Variants in AGO1 observed in about 807,000 individuals in gnomAD.
The protein encoded by AGO1 is protein argonaute-1.
AGO1 carries 11 observed loss-of-function variants against 109.2 expected under a neutral mutation model. The observed-to-expected ratio is 0.10, with a 90% confidence interval of 0.06 to 0.17. The LOEUF is 0.17. Ranked by LOEUF, AGO1 falls within the 10% of genes least tolerant of loss-of-function variation. AGO1 has a pLI of 1.00. For synonymous variants in AGO1, 422 were observed against 418.6 expected (o/e 1.01, Z -0.10); for missense variants, 574 against 1,140.3 (o/e 0.50, Z 7.15).
In AGO1 at chr1:35,920,146, T is replaced by C. The variant is rs1571381730; in HGVS notation, c.*539T>C. 6.5e-6 allele frequency: 1 copy of C among 152,762 alleles called. No homozygotes were observed. The highest frequency in any genetic ancestry group is 2.4e-5 in the African/African-American group (1 of 41,376). The allele number at this position is 152,762 out of a possible 1,614,324, so 9.5% of individuals were successfully genotyped here. A position where few individuals can be genotyped will look rare whatever the true frequency, so the allele number is the denominator to read the frequency against. On this transcript the variant is annotated 3_prime_UTR_variant, in exon 19 of 19. Coordinates refer to ENST00000373204, the MANE Select transcript of AGO1 (RefSeq NM_012199.5). ...CAGATCAATATTTTAGGATACTAGA[T>C]GTTTTAATGGGTTCAGAATCCAGTT... is the stretch of plus-strand genomic sequence containing the variant.
At position 35,875,030 on chromosome 1, in the gene AGO1, CAT is replaced by C. The variant is rs986780298; in HGVS notation, c.-201+5129_-201+5130del. Reference sequence around the variant, plus strand: ...TTAAGGAAAGAAGCCATCTCCATAACATAAAAGTCGAAGGTGCTTATGTAGAA... The same window carrying C: ...TTAAGGAAAGAAGCCATCTCCATAACAAAAGTCGAAGGTGCTTATGTAGAA... On this transcript the variant is annotated intron_variant, in intron 1 of 18. Coordinates refer to the AGO1 transcript ENST00000373206. Among the ~76,000 whole-genome samples the C allele has an allele frequency of 2.0e-4, 31 of 152,316 alleles. No homozygotes were observed. The Middle Eastern group carries it at 0.01, about 50-fold the overall frequency.
chr1:35,918,929 G>GTT (rs1324755678), intron 17 of AGO1, 126 bp from the exon 18 acceptor site: 1 of 845,914 alleles, frequency 1.2e-6, no homozygotes, highest in Non-Finnish European at 1.9e-6. Flanking sequence ...GACATTGGTA[G>GTT]TTTTGCATCT....
intron 13 of AGO1, 75 bp from the exon 14 acceptor site, chr1:35,914,108 AG>A: frequency 6.3e-7 from 1 of 1,593,274 alleles, no homozygotes; most frequent in African/African-American, 1.3e-5. Flanking sequence ...GGGGGAGAAG[AG>A]CAGAGTGGGT....
intron 12 of AGO1, among the ~76,000 whole-genome samples, chr1:35,907,543 A>C (rs570885306): frequency 4.0e-5 from 6 of 151,634 alleles, no homozygotes; most frequent in Non-Finnish European, 8.8e-5. Flanking sequence ...GAGGCTTGCT[A>C]TCTCTCCTCT....
At chr1:35,872,255 G>A (rs1282640619) in intron 1 of AGO1, among the ~76,000 whole-genome samples, 9 of 144,710 alleles carry the variant, frequency 6.2e-5, no homozygotes, top group Non-Finnish European at 6.0e-5. Flanking sequence ...GCATGATCTC[G>A]GCTCACTGCA....
At position 35,893,144 on chromosome 1, in the gene AGO1, T is replaced by C. The variant is rs759929800; in HGVS notation, c.378T>C (p.Phe126=). The change falls in exon 4 of 19, where the codon TTT becomes TTC. Residue 126 remains phenylalanine, a synonymous_variant. Coordinates refer to ENST00000373204, the MANE Select transcript of AGO1 (RefSeq NM_012199.5). The surrounding 1 kb of genome is among the most constrained non-coding windows in gnomAD (Gnocchi z 5.6). ...CTGGGGAAGGGAAGGATCGAATCTT[T>C]AAGGTCTCCATCAAGTGGCTAGCCA... ...TIPGEGKDRI[F]KVSIKWLAIV... is the part of the protein sequence containing the mutation. 3.7e-6 allele frequency: 6 copies of C among 1,614,054 alleles called. No individual in the cohort carries two copies. The Admixed American group carries it at 1.0e-4, about 27-fold the overall frequency.
chr1:35,923,967 A>T lies in AGO1; in HGVS notation c.*4360A>T, dbSNP rs1379364534. On this transcript the variant is annotated 3_prime_UTR_variant, in exon 19 of 19. Transcript: ENST00000373204. ...CTTTCCTGTGCACACAGTCCAGCCT[A>T]ATTGGTATGTGATGTTGCACTTAGC... 1.3e-5 allele frequency: 2 copies of T among 152,624 alleles called. No homozygotes were observed. Among genetic ancestry groups the T allele is most frequent in the African/African-American group, 4.8e-5 (2 of 41,454 alleles). The allele number at this position is 152,624 out of a possible 1,614,324, so 9.5% of individuals were successfully genotyped here.
intron 12 of AGO1, among the ~76,000 whole-genome samples, chr1:35,913,433 T>A (rs1248364130): frequency 6.6e-6 from 1 of 152,194 alleles, no homozygotes; most frequent in Non-Finnish European, 1.5e-5. Flanking sequence ...TGCTATGGCC[T>A]TTCTGTTTCT....
intron 12 of AGO1, among the ~76,000 whole-genome samples, chr1:35,912,084 G>T (rs1249678075): frequency 6.6e-6 from 1 of 152,072 alleles, no homozygotes. Context: ...TCGGCCGGGC[G>T]CGGTGGCTCA....
chr1:35,889,277 G>A (rs978344058), intron 2 of AGO1, among the ~76,000 whole-genome samples: 2 of 149,388 alleles, frequency 1.3e-5, no homozygotes, highest in Admixed American at 1.3e-4. Flanking sequence ...GCAATGGCGC[G>A]ATCTCAACTC....
Position 35,894,185 on chromosome 1 carries a change from A to C in AGO1, c.784+14A>C, listed in dbSNP as rs770303982. 1.9e-6 allele frequency: 3 copies of C among 1,568,016 alleles called. No homozygotes were observed. The highest frequency in any genetic ancestry group is 2.6e-6 in the Non-Finnish European group (3 of 1,155,484). On this transcript the variant is annotated intron_variant, in intron 6 of 18. Transcript: ENST00000373204. ...AGGAGATCAAGGGTGAGGACCCAACAGGAGGGGAAGGGAAACAGCGCCACT... is the reference window on the plus strand; with the variant it reads ...AGGAGATCAAGGGTGAGGACCCAACCGGAGGGGAAGGGAAACAGCGCCACT...
chr1:35,888,018 G>A lies in AGO1; in HGVS notation c.26-409G>A, dbSNP rs765748224. On this transcript the variant is annotated intron_variant, in intron 1 of 18. Coordinates refer to ENST00000373204, the MANE Select transcript of AGO1 (RefSeq NM_012199.5). This position sits in a 1 kb window ranked among gnomAD's most constrained non-coding sequence, Gnocchi z 4.1. ...GCCATTTTGTATTCAGCATGGTGGC[G>A]AATGGAGTGAGCATCTGGCTGGCAG... Among the ~76,000 whole-genome samples the A allele has an allele frequency of 1.2e-4, 18 of 152,156 alleles. No individual in the cohort carries two copies. Among genetic ancestry groups the A allele is most frequent in the Middle Eastern group, 3.2e-3 (1 of 316 alleles).
Position 35,893,614 on chromosome 1 carries a change from G to C in AGO1, c.513-60G>C, listed in dbSNP as rs1193110105. ...CAGGCCAGGGCTCCTCCGTGCCCAG[G>C]ATGCCTCACAGGGTGGGGGCCTGTG... is the stretch of plus-strand genomic sequence containing the variant. On this transcript the variant is annotated intron_variant, in intron 4 of 18. Coordinates refer to ENST00000373204, the MANE Select transcript of AGO1 (RefSeq NM_012199.5). This position sits in a 1 kb window ranked among gnomAD's most constrained non-coding sequence, Gnocchi z 5.6. 1.3e-6 allele frequency: 2 copies of C among 1,531,240 alleles called. No individual in the cohort carries two copies. 94.9% of individuals were successfully genotyped at this position (1,531,240 alleles called of 1,614,324 possible). A position where few individuals can be genotyped will look rare whatever the true frequency, so the allele number is the denominator to read the frequency against.
At chr1:35,909,424 C>A (rs574213570) in intron 12 of AGO1, among the ~76,000 whole-genome samples, 1 of 152,200 alleles carries the variant, frequency 6.6e-6, no homozygotes, top group Admixed American at 6.5e-5. Context: ...TAGCACAGTG[C>A]CTGGCATGTA....
rs1442648369 is a variant in AGO1 at position 35,883,235 on chromosome 1, T to C, written c.-187T>C. 6 of 1,251,170 alleles carry C rather than the reference T, an allele frequency of 4.8e-6. No individual in the cohort carries two copies. Among genetic ancestry groups the C allele is most frequent in the Non-Finnish European group, 5.0e-6 (5 of 994,300 alleles). The allele number at this position is 1,251,170 out of a possible 1,614,324, so 77.5% of individuals were successfully genotyped here. ...CTGGCAGCTGGCCGGGCGCTCGCAG[T>C]GGGAGCTGCTGCAGGCTCCGCGGCG... On this transcript the variant is annotated 5_prime_UTR_variant, in exon 1 of 19. Coordinates refer to ENST00000373204, the MANE Select transcript of AGO1 (RefSeq NM_012199.5). This position sits in a 1 kb window ranked among gnomAD's most constrained non-coding sequence, Gnocchi z 5.4.
At chr1:35,914,427 T>G (rs1304065847) in intron 14 of AGO1, among the ~76,000 whole-genome samples, 153 bp downstream of exon 14, 6 of 152,234 alleles carry the variant, frequency 3.9e-5, no homozygotes. Flanking sequence ...CCTTGATATC[T>G]CATAAAGGTA....
chr1:35,918,282 G>A (rs1645770994), intron 16 of AGO1, 40 bp from the exon 17 acceptor site: 1 of 1,531,708 alleles, frequency 6.5e-7, no homozygotes, highest in Non-Finnish European at 9.1e-7. Context: ...GTTAGGGCCA[G>A]GCAGGTCTTG....
chr1:35,926,226 A>C lies in AGO1; in HGVS notation c.*6619A>C, dbSNP rs1399655616. ...GTTTTAGAAAAGATTGATATTGAAA[A>C]GCCTTCAGGATTTGCCTGTGGTTGC... On this transcript the variant is annotated 3_prime_UTR_variant, in exon 19 of 19. Coordinates refer to ENST00000373204, the MANE Select transcript of AGO1 (RefSeq NM_012199.5). 6.6e-6 allele frequency: 1 copy of C among 152,194 alleles called. No homozygotes were observed. Among genetic ancestry groups the C allele is most frequent in the East Asian group, 1.9e-4 (1 of 5,208 alleles). 9.4% of individuals were successfully genotyped at this position (152,194 alleles called of 1,614,324 possible). A position where few individuals can be genotyped will look rare whatever the true frequency, so the allele number is the denominator to read the frequency against.
At position 35,919,614 on chromosome 1, in the gene AGO1, A is replaced by C; in HGVS notation, c.*7A>C. 6 of 1,611,992 alleles carry C rather than the reference A, an allele frequency of 3.7e-6. No homozygotes were observed. The highest frequency in any genetic ancestry group is 5.1e-6 in the Non-Finnish European group (6 of 1,178,606). ...CACCATGTACTTCGCTTGAAGGCAGAACGCTGTTACCTCACTGGATAGAAG... is the reference window on the plus strand; with the variant it reads ...CACCATGTACTTCGCTTGAAGGCAGCACGCTGTTACCTCACTGGATAGAAG... On this transcript the variant is annotated 3_prime_UTR_variant, in exon 19 of 19. Coordinates refer to ENST00000373204, the MANE Select transcript of AGO1 (RefSeq NM_012199.5). This position sits in a 1 kb window ranked among gnomAD's most constrained non-coding sequence, Gnocchi z 6.6.
Sources: allele counts gnomAD v4.1 joint callset (sites outside exome capture counted in the v4.1 genomes callset), GRCh38; gene constraint gnomAD v4.1.1; non-coding constraint Gnocchi (gnomAD v3.1); transcripts MANE v1.5; gene names NCBI Gene and HGNC (gene_info 2026-07-23, HGNC 2026-07-21).